The following ZKSCAN2 variants were observed in gnomAD, a reference collection of about 807,000 sequenced individuals.
ZKSCAN2 encodes the protein zinc finger with KRAB and SCAN domains 2.
Under a neutral mutation model 90.5 loss-of-function variants are expected in ZKSCAN2, and 38 were observed. The observed-to-expected ratio is 0.42, with a 90% CI of 0.32 to 0.55. The LOEUF (loss-of-function observed/expected upper bound fraction) is 0.55. Ranked by LOEUF, ZKSCAN2 falls within the 20% of genes least tolerant of loss-of-function variation. ZKSCAN2 has a pLI of 0.11. For missense variants in ZKSCAN2, 1,167 were observed against 1,202.6 expected, an observed-to-expected ratio of 0.97 and a Z score of 0.44; for synonymous variants, 429 against 421.6, an observed-to-expected ratio of 1.02 and a Z score of -0.22.
At chr16:25,242,975 A>C (rs1962876639) in intron 6 of ZKSCAN2, among the ~76,000 whole-genome samples, 1 of 152,246 alleles carries the variant, frequency 6.6e-6, no homozygotes, top group Admixed American at 6.5e-5. Context: ...TGGTGAAGTT[A>C]GTTTTGAACA....
chr16:25,251,822 A>G (rs1963025111), intron 4 of ZKSCAN2, 87 bp downstream of exon 4: 1 of 1,500,398 alleles, frequency 6.7e-7, no homozygotes, highest in East Asian at 2.3e-5. Flanking sequence ...AAGTGTTAAC[A>G]TTTCTATCTG....
At chr16:25,256,339 CTTTT>C (rs59703586) in intron 1 of ZKSCAN2, among the ~76,000 whole-genome samples, 1 of 141,894 alleles carries the variant, frequency 7.0e-6, no homozygotes. Flanking sequence ...CGGATGAAGT[CTTTT>C]TTTTTTTTTT....
At position 25,237,774 on chromosome 16, in the gene ZKSCAN2, T is replaced by C. The variant is rs1465294655; in HGVS notation, c.*2042A>G. ...ATAAGTCATCTACTTTCCTGAATCA[T>C]GCTTCCACATAATATCAATCCTGTG... On this transcript the variant is annotated 3_prime_UTR_variant, in exon 7 of 7. Coordinates refer to ENST00000328086, the MANE Select transcript of ZKSCAN2 (RefSeq NM_001012981.5). 2 of 152,262 alleles carry C rather than the reference T, an allele frequency of 1.3e-5. No homozygotes were observed. Among genetic ancestry groups the C allele is most frequent in the South Asian group, 2.1e-4 (1 of 4,832 alleles). The allele number at this position is 152,262 out of a possible 1,614,324, so 9.4% of individuals were successfully genotyped here.
chr16:25,243,943 C>G lies in ZKSCAN2; in HGVS notation c.1823G>C (p.Gly608Ala), dbSNP rs548103236. ...AGGTTCCTGGGGTTCAACCTCAATA[C>G]CCCCTCTTTCTTGCCTTGAAGGTGA... is the stretch of plus-strand genomic sequence containing the variant. ...VPSPSRQERG[G>A]IEVEPQEPTG... The change falls in exon 6 of 7, where the codon GGT (glycine) becomes GCT (alanine). Residue 608 changes from glycine (G) to alanine (A), a missense_variant. Transcript: ENST00000328086. The G allele has an allele frequency of 6.2e-7, 1 of 1,614,136 alleles. No homozygotes were observed.
intron 6 of ZKSCAN2, among the ~76,000 whole-genome samples, chr16:25,242,548 A>G (rs962310690): frequency 6.6e-6 from 1 of 152,166 alleles, no homozygotes; most frequent in South Asian, 2.1e-4. Context: ...TCAGTGCCAT[A>G]AGACAGAGAC....
chr16:25,242,534 G>C (rs912151642), intron 6 of ZKSCAN2, among the ~76,000 whole-genome samples: 1 of 152,170 alleles, frequency 6.6e-6, no homozygotes, highest in Non-Finnish European at 1.5e-5. Context: ...TACATACAAA[G>C]TGTTCAGTGC....
rs1365984446 is a variant in ZKSCAN2 at position 25,237,624 on chromosome 16, T to C, written c.*2192A>G. On this transcript the variant is annotated 3_prime_UTR_variant, in exon 7 of 7. Transcript: ENST00000328086. ...TGGTGTAAGTGGCCCCAACTTTTGC[T>C]GTGATGCTTCCTCTATCAAACTGTG... 1 of 152,022 alleles carries C rather than the reference T, an allele frequency of 6.6e-6. No individual in the cohort carries two copies. Among genetic ancestry groups the C allele is most frequent in the East Asian group, 1.9e-4 (1 of 5,200 alleles). The allele number at this position is 152,022 out of a possible 1,614,324, so 9.4% of individuals were successfully genotyped here.
rs1191165413 is a variant in ZKSCAN2 at position 25,240,046 on chromosome 16, A to G, written c.2674T>C (p.Cys892Arg). ...TGENPYKCVDCEKSFNNCTRF... is the reference protein window; with the variant it reads ...TGENPYKCVDREKSFNNCTRF... ...GTACAGTTATTGAAACTTTTTTCAC[A>G]GTCCACACATTTGTAGGGATTCTCC... Residue 892 changes from cysteine to arginine, a missense_variant, in exon 7 of 7, where the codon TGT becomes CGT. Cys to Arg is a radical substitution (Grantham distance 180). Transcript: ENST00000328086. 5 of 1,613,912 alleles carry G rather than the reference A, an allele frequency of 3.1e-6. No homozygotes were observed. The highest frequency in any genetic ancestry group is 4.2e-6 in the Non-Finnish European group (5 of 1,179,994).
intron 5 of ZKSCAN2, among the ~76,000 whole-genome samples, chr16:25,245,988 TCA>T (rs1303980140): frequency 2.0e-5 from 3 of 152,196 alleles, no homozygotes; most frequent in African/African-American, 7.2e-5. Context: ...GTGTCTACTG[TCA>T]CACAGTTATT....
rs1288273542 is a variant in ZKSCAN2 at position 25,257,304 on chromosome 16, A to G, written c.-177T>C. 2 of 1,418,018 alleles carry G rather than the reference A, an allele frequency of 1.4e-6. No individual in the cohort carries two copies. Among genetic ancestry groups the G allele is most frequent in the Non-Finnish European group, 1.8e-6 (2 of 1,091,702 alleles). 87.8% of individuals were successfully genotyped at this position (1,418,018 alleles called of 1,614,324 possible). A position where few individuals can be genotyped will look rare whatever the true frequency, so the allele number is the denominator to read the frequency against. ...ATCAAATCTATGCCAGGCCCTTGAA[A>G]AGGTGAACGTATACTCTAAGATGCA... On this transcript the variant is annotated 5_prime_UTR_variant, in exon 1 of 7. Transcript: ENST00000328086.
Position 25,255,406 on chromosome 16 carries a change from TC to T in ZKSCAN2, c.400-15del, listed in dbSNP as rs1963085688. On this transcript the variant is annotated splice_polypyrimidine_tract_variant and intron_variant, in intron 1 of 6. Transcript: ENST00000328086. ...GGGACTGCTGACCTGAGAAATGAAG[TC>T]AATACCATAAGAGGGAGTAAAACAG... 1.2e-6 allele frequency: 2 copies of T among 1,605,826 alleles called. No homozygotes were observed. The highest frequency in any genetic ancestry group is 1.7e-6 in the Non-Finnish European group (2 of 1,179,140).
At chr16:25,247,799 T>C (rs1183266638) in intron 4 of ZKSCAN2, among the ~76,000 whole-genome samples, 4 of 152,132 alleles carry the variant, frequency 2.6e-5, no homozygotes, top group Non-Finnish European at 2.9e-5. Context: ...CATACATATA[T>C]AGGCACTGGG....
chr16:25,246,643 T>C (rs1365342786), intron 5 of ZKSCAN2, 64 bp downstream of exon 5: 1 of 1,584,134 alleles, frequency 6.3e-7, no homozygotes, highest in South Asian at 1.1e-5. Flanking sequence ...ACTTCTGGTC[T>C]ACTCCTTTTT....
rs920109043 is a variant in ZKSCAN2, at chr16:25,246,561, G to A, written c.1489+146C>T. ...TGGGGGCAGCAGCAAGCACCTGAGA[G>A]TACTTCAGTGATGTGGCCACACCAC... On this transcript the variant is annotated intron_variant, in intron 5 of 6. Coordinates refer to ENST00000328086, the MANE Select transcript of ZKSCAN2 (RefSeq NM_001012981.5). The A allele has an allele frequency of 5.5e-5, 43 of 785,330 alleles. No individual in the cohort carries two copies. The African/African-American group carries it at 7.3e-4, about 13-fold the overall frequency. 48.6% of individuals were successfully genotyped at this position (785,330 alleles called of 1,614,324 possible).
In ZKSCAN2 at chr16:25,239,928, G is replaced by A. The variant is rs369090600; in HGVS notation, c.2792C>T (p.Thr931Ile). ...TCTCACATGAACTTCCCGATGTTTG[G>A]TAAGAACAGAACTCTTACTGAAACG... is the stretch of plus-strand genomic sequence containing the variant. The part of the protein sequence containing the change: ...GKRFSKSSVL[T>I]KHREVHVREK... Residue 931 changes from threonine (T) to isoleucine (I), a missense_variant, in exon 7 of 7, where the codon ACC (threonine) becomes ATC (isoleucine). Transcript: ENST00000328086. 37 of 1,614,026 alleles carry A rather than the reference G, an allele frequency of 2.3e-5. 1 individual carries two copies. The South Asian group carries it at 3.4e-4, about 15-fold the overall frequency.
intron 4 of ZKSCAN2, 78 bp downstream of exon 4, chr16:25,251,831 T>G (rs2141368649): frequency 1.3e-6 from 2 of 1,509,572 alleles, no homozygotes; most frequent in South Asian, 2.5e-5. Context: ...CATTTCTATC[T>G]GCCTATCTTC....
chr16:25,254,952 C>A (rs1282719454), intron 2 of ZKSCAN2, among the ~76,000 whole-genome samples: 1 of 151,052 alleles, frequency 6.6e-6, no homozygotes, highest in Non-Finnish European at 1.5e-5. Flanking sequence ...CGCCAACACA[C>A]CTGGCTAATA....
intron 1 of ZKSCAN2, 68 bp from the exon 2 acceptor site, chr16:25,255,460 G>A: frequency 2.0e-6 from 3 of 1,493,614 alleles, no homozygotes; most frequent in South Asian, 2.5e-5. Context: ...ATTCTCCCAG[G>A]AAAGACATCA....
Position 25,257,473 on chromosome 16 carries a change from G to C in ZKSCAN2, c.-346C>G, listed in dbSNP as rs1348547659. 3 of 1,020,156 alleles carry C rather than the reference G, an allele frequency of 2.9e-6. No homozygotes were observed. Among genetic ancestry groups the C allele is most frequent in the Admixed American group, 5.8e-5 (1 of 17,390 alleles). 63.2% of individuals were successfully genotyped at this position (1,020,156 alleles called of 1,614,324 possible). On this transcript the variant is annotated 5_prime_UTR_variant, in exon 1 of 7. Coordinates refer to ENST00000328086, the MANE Select transcript of ZKSCAN2 (RefSeq NM_001012981.5). ...GGCTGAGGAAAGGCTGGGCGGAGGC[G>C]GACAGCCGGGCCGGGAGGGGGTGTG...
Sources: allele counts gnomAD v4.1 joint callset (sites outside exome capture counted in the v4.1 genomes callset), GRCh38; gene constraint gnomAD v4.1.1; transcripts MANE v1.5; gene names NCBI Gene and HGNC (gene_info 2026-07-23, HGNC 2026-07-21).